Variants in MS4A14 observed in about 807,000 individuals in gnomAD.
MS4A14 encodes membrane spanning 4-domains A14, also known as membrane-spanning 4-domains subfamily A member 14.
A neutral mutation model predicts 16.7 loss-of-function variants in MS4A14; 18 were observed. The observed-to-expected ratio is 1.08, with a 90% CI of 0.75 to 1.60. The LOEUF is 1.60. MS4A14 is among the 40% of genes most tolerant of loss of function. MS4A14 has a pLI of 0.00. For missense variants in MS4A14, 812 were observed against 775.3 expected, an observed-to-expected ratio of 1.05 and a Z score of -0.56; for synonymous variants, 305 against 289.4, an observed-to-expected ratio of 1.05 and a Z score of -0.55.
In MS4A14 at chr11:60,402,962, T is replaced by G. The variant is rs1343133012; in HGVS notation, c.369T>G (p.Thr123=). 5 of 1,613,862 alleles carry G rather than the reference T, an allele frequency of 3.1e-6. No individual in the cohort carries two copies. Among genetic ancestry groups the G allele is most frequent in the Non-Finnish European group, 4.2e-6 (5 of 1,179,794 alleles). The change falls in exon 4 of 5, where the codon ACT becomes ACG. Residue 123 remains threonine, a synonymous_variant. Transcript: ENST00000300187. ...TTATCAGCTCCTTGGTTGCGATAAC[T>G]GGGATTACTTTCACCATTCTCAGCT... The part of the protein sequence containing the change: ...MNVISSLVAI[T]GITFTILSYR...
intron 3 of MS4A14, 101 bp from the exon 4 acceptor site, chr11:60,402,811 G>T (rs1472857513): frequency 3.4e-6 from 4 of 1,170,154 alleles, no homozygotes; most frequent in Non-Finnish European, 4.9e-6. Context: ...ACTCTTCCCT[G>T]AGAAGTATCT....
At chr11:60,404,748 C>T (rs2085763030) in intron 4 of MS4A14, 1 of 385,722 alleles carries the variant, frequency 2.6e-6, no homozygotes, top group Non-Finnish European at 5.2e-6. Flanking sequence ...CCTGACCTCA[C>T]CTCTATGCTC....
intron 2 of MS4A14, among the ~76,000 whole-genome samples, chr11:60,399,398 C>T (rs1156877532): frequency 2.6e-5 from 4 of 152,056 alleles, no homozygotes; most frequent in Non-Finnish European, 4.4e-5. Context: ...CAAAAGAAGA[C>T]CAATGAATCT....
Position 60,415,590 on chromosome 11 carries a change from T to C in MS4A14, c.622T>C (p.Phe208Leu), listed in dbSNP as rs1042810200. ...QSVIFGGYAF[F>L]KLTLSRSPLV... ...TGTTATCTTTGGAGGCTATGCTTTC[T>C]TCAAGTTAACACTCTCTAGGAGTCC... The change falls in exon 5 of 5, where the codon TTC (phenylalanine) becomes CTC (leucine). Residue 208 changes from phenylalanine (F) to leucine (L), a missense_variant. Coordinates refer to ENST00000300187, the MANE Select transcript of MS4A14 (RefSeq NM_032597.5). 12 of 1,613,764 alleles carry C rather than the reference T, an allele frequency of 7.4e-6. No homozygotes were observed. In the Admixed American group the frequency reaches 1.0e-4, roughly 13 times the overall value.
chr11:60,399,914 C>T (rs1428976130), intron 2 of MS4A14, among the ~76,000 whole-genome samples: 1 of 152,100 alleles, frequency 6.6e-6, no homozygotes, highest in African/African-American at 2.4e-5. Context: ...TAAGGGACTC[C>T]ACATGGAGTG....
In MS4A14 at chr11:60,396,627, A is replaced by C. The variant is rs1395486008; in HGVS notation, c.49A>C (p.Lys17Gln). The C allele has an allele frequency of 6.2e-7, 1 of 1,613,876 alleles. No homozygotes were observed. Among genetic ancestry groups the C allele is most frequent in the East Asian group, 2.2e-5 (1 of 44,890 alleles). ...AAGGGCAACTCACGTCATCACTATA[A>C]AACCAAACGAAACTGTATTGACTGC... ...DRRATHVITIKPNETVLTAFP... is the reference protein window; with the variant it reads ...DRRATHVITIQPNETVLTAFP... Residue 17 changes from lysine to glutamine, a missense_variant, in exon 1 of 5, where the codon AAA becomes CAA. Coordinates refer to ENST00000300187, the MANE Select transcript of MS4A14 (RefSeq NM_032597.5).
rs1400085766 is a variant in MS4A14, at chr11:60,415,563, T to G, written c.595T>G (p.Ser199Ala). 1 of 1,613,682 alleles carries G rather than the reference T, an allele frequency of 6.2e-7. No individual in the cohort carries two copies. The highest frequency in any genetic ancestry group is 8.5e-7 in the Non-Finnish European group (1 of 1,179,794). The stretch of plus-strand genomic sequence containing the variant: ...TGATGATTCAACAACAAATGCACAA[T>G]CTGTTATCTTTGGAGGCTATGCTTT... ...SSDDSTTNAQSVIFGGYAFFK... is the reference protein window; with the variant it reads ...SSDDSTTNAQAVIFGGYAFFK... The change falls in exon 5 of 5, where the codon TCT becomes GCT. Residue 199 changes from serine (S) to alanine (A), a missense_variant. Coordinates refer to ENST00000300187, the MANE Select transcript of MS4A14 (RefSeq NM_032597.5).
intron 3 of MS4A14, among the ~76,000 whole-genome samples, chr11:60,400,853 C>T (rs935357226): frequency 6.6e-6 from 1 of 152,138 alleles, no homozygotes; most frequent in African/African-American, 2.4e-5. Flanking sequence ...CTAAAATGCA[C>T]AAGGCAGCCT....
Position 60,413,996 on chromosome 11 carries a change from A to G in MS4A14, c.469-1441A>G, listed in dbSNP as rs1317597389. Among the ~76,000 whole-genome samples, 3 of 152,186 alleles carry G rather than the reference A, an allele frequency of 2.0e-5. No homozygotes were observed. In the East Asian group the frequency reaches 5.8e-4, roughly 29 times the overall value. ...CTGGTCTGGTTATTTAACATCTCTG[A>G]ACCTCAATTCCCTCAATTCTAAAAG... is the stretch of plus-strand genomic sequence containing the variant. On this transcript the variant is annotated intron_variant, in intron 4 of 4. Transcript: ENST00000300187.
chr11:60,401,473 A>G (rs1330502549), intron 3 of MS4A14, among the ~76,000 whole-genome samples: 1 of 152,184 alleles, frequency 6.6e-6, no homozygotes, highest in Non-Finnish European at 1.5e-5. Flanking sequence ...CTCCTGACTC[A>G]CTGAGAGCTA....
chr11:60,404,647 C>T (rs1009403013), intron 4 of MS4A14: 27 of 453,324 alleles, frequency 6.0e-5, no homozygotes, highest in Admixed American at 2.4e-4. Flanking sequence ...CAGCTTCTTC[C>T]GGCTTTGAAC....
Position 60,416,250 on chromosome 11 carries a change from C to T in MS4A14, c.1282C>T (p.Pro428Ser). ...EASTSHIVQF[P>S]EIQHLLQQPP... ...CTCAACATCCCATATTGTGCAGTTCCCTGAAATACAACACCTACTTCAGCA... is the reference window on the plus strand; with the variant it reads ...CTCAACATCCCATATTGTGCAGTTCTCTGAAATACAACACCTACTTCAGCA... The change falls in exon 5 of 5, where the codon CCT becomes TCT. Residue 428 changes from proline to serine, a missense_variant. Physicochemically the swap from Pro to Ser is moderately conservative, Grantham distance 74. Transcript: ENST00000300187. 6.2e-7 allele frequency: 1 copy of T among 1,613,952 alleles called. No homozygotes were observed. The highest frequency in any genetic ancestry group is 8.5e-7 in the Non-Finnish European group (1 of 1,179,944).
chr11:60,396,467 C>A lies in MS4A14; in HGVS notation c.-112C>A. On this transcript the variant is annotated 5_prime_UTR_variant, in exon 1 of 5. Coordinates refer to ENST00000300187, the MANE Select transcript of MS4A14 (RefSeq NM_032597.5). ...AGATTCTACTACTGAGTAGAGTCATCACTAAGGGCTCATCTCTGAGGGCTC... is the reference window on the plus strand; with the variant it reads ...AGATTCTACTACTGAGTAGAGTCATAACTAAGGGCTCATCTCTGAGGGCTC... 8.5e-7 allele frequency: 1 copy of A among 1,181,524 alleles called. No individual in the cohort carries two copies. The highest frequency in any genetic ancestry group is 1.2e-6 in the Non-Finnish European group (1 of 848,492). The allele number at this position is 1,181,524 out of a possible 1,614,324, so 73.2% of individuals were successfully genotyped here.
chr11:60,396,992 T>C (rs1447182599), intron 1 of MS4A14, among the ~76,000 whole-genome samples: 1 of 152,170 alleles, frequency 6.6e-6, no homozygotes, highest in African/African-American at 2.4e-5. Flanking sequence ...GTGGAGAGGT[T>C]TGACTTCCCC....
chr11:60,410,447 T>C (rs2085851397), intron 4 of MS4A14, among the ~76,000 whole-genome samples: 1 of 130,922 alleles, frequency 7.6e-6, no homozygotes, highest in South Asian at 2.8e-4. Flanking sequence ...ACAAAAGTTC[T>C]TTATGAAGTA....
At position 60,416,364 on chromosome 11, in the gene MS4A14, GA is replaced by G. The variant is rs1420941022; in HGVS notation, c.1398del (p.Glu467ArgfsTer22). On this transcript the variant is annotated frameshift_variant, in exon 5 of 5. Transcript: ENST00000300187. LOFTEE classifies it low-confidence loss of function (END_TRUNC). ...SYQDIRSEVMEETKEWKSEEE... is the reference protein window; with the variant it reads ...SYQDIRSEVMXETKEWKSEEE... ...TCAAGATATTAGATCAGAAGTTATG[GA>G]AGAGACCAAAGAATGGAAATCTGAG... is the stretch of plus-strand genomic sequence containing the variant. 1.2e-6 allele frequency: 2 copies of G among 1,613,836 alleles called. No individual in the cohort carries two copies. The highest frequency in any genetic ancestry group is 1.7e-6 in the Non-Finnish European group (2 of 1,179,956).
rs138237921 is a variant in MS4A14, at chr11:60,417,593, T to C, written c.*585T>C. On this transcript the variant is annotated 3_prime_UTR_variant, in exon 5 of 5. Transcript: ENST00000300187. ...GCCTCCTCCAATCTGTGTTCTCAACTGTGGTTGCCACCTCATTAACTTACA... is the reference window on the plus strand; with the variant it reads ...GCCTCCTCCAATCTGTGTTCTCAACCGTGGTTGCCACCTCATTAACTTACA... 257 of 152,314 alleles carry C rather than the reference T, an allele frequency of 1.7e-3. 1 individual carries two copies. Among genetic ancestry groups the C allele is most frequent in the African/African-American group, 6.1e-3 (253 of 41,560 alleles). The allele number at this position is 152,314 out of a possible 1,614,324, so 9.4% of individuals were successfully genotyped here. A position where few individuals can be genotyped will look rare whatever the true frequency, so the allele number is the denominator to read the frequency against.
At chr11:60,410,899 G>A (rs1475116412) in intron 4 of MS4A14, among the ~76,000 whole-genome samples, 1 of 152,018 alleles carries the variant, frequency 6.6e-6, no homozygotes, top group Non-Finnish European at 1.5e-5. Context: ...AGGCTGGAGT[G>A]CAGTGGTGAG....
At chr11:60,405,823 CA>C in intron 4 of MS4A14, 1 of 1,226,480 alleles carries the variant, frequency 8.2e-7, no homozygotes, top group South Asian at 1.3e-5. Context: ...AAGGGGTTCT[CA>C]GCTTATATAT....
Sources: gnomAD v4.1 joint callset for allele counts (sites outside exome capture counted in the v4.1 genomes callset) on GRCh38, gnomAD v4.1.1 for gene constraint, MANE v1.5 for transcripts, NCBI Gene and HGNC (gene_info 2026-07-23, HGNC 2026-07-21) for gene names.